TUBGCP5: variants seen among roughly 807,000 people sequenced by gnomAD.
The protein encoded by TUBGCP5 is tubulin gamma complex component 5, also known as gamma-tubulin complex component 5.
A neutral mutation model predicts 134.7 loss-of-function variants in TUBGCP5; 98 were observed. The observed-to-expected ratio is 0.73, with a 90% CI of 0.62 to 0.86. The LOEUF (loss-of-function observed/expected upper bound fraction) is 0.86, where lower values mean the gene tolerates loss of function less well. Ranked by LOEUF, TUBGCP5 falls within the 40% of genes least tolerant of loss-of-function variation. TUBGCP5 has a pLI of 0.00. For synonymous variants in TUBGCP5, 456 were observed against 431.4 expected (o/e 1.06, Z -0.71); for missense variants, 1,150 against 1,244.8 (o/e 0.92, Z 1.15).
chr15:23,003,270 CTGTG>C, intron 20 of TUBGCP5, 117 bp from the exon 21 acceptor site: 5 of 913,258 alleles, frequency 5.5e-6, no homozygotes, highest in Non-Finnish European at 6.9e-6. Flanking sequence ...TGACTGCCTT[CTGTG>C]TATATGGAAG....
intron 8 of TUBGCP5, among the ~76,000 whole-genome samples, chr15:23,025,537 AG>A (rs1311468206): frequency 6.6e-6 from 1 of 152,152 alleles, no homozygotes; most frequent in Non-Finnish European, 1.5e-5. Context: ...CCACCTATTA[AG>A]AATAGTCAGT....
At chr15:23,023,633 G>GT (rs2065832651) in intron 10 of TUBGCP5, 1 of 280,312 alleles carries the variant, frequency 3.6e-6, no homozygotes, top group African/African-American at 2.2e-5. Flanking sequence ...CACTGCTCAT[G>GT]TATGTTGAAA....
At chr15:22,992,387 C>T (rs773523211) in intron 23 of TUBGCP5, among the ~76,000 whole-genome samples, 8 of 152,060 alleles carry the variant, frequency 5.3e-5, no homozygotes, top group African/African-American at 9.7e-5. Flanking sequence ...TGGAAACTGA[C>T]GAATCAGTTT....
intron 19 of TUBGCP5, among the ~76,000 whole-genome samples, chr15:23,004,824 C>T (rs928947321): frequency 6.6e-6 from 1 of 152,168 alleles, no homozygotes; most frequent in Non-Finnish European, 1.5e-5. Flanking sequence ...TGGCTCACTT[C>T]ACCCAAGCAA....
In TUBGCP5 at chr15:23,024,811, T is replaced by C; in HGVS notation, c.847A>G (p.Lys283Glu). ...TCTATCAACTGAAATATAAAGAGCTTTTTCACTCCTGAAAGTAACCTGAAA... is the reference window on the plus strand; with the variant it reads ...TCTATCAACTGAAATATAAAGAGCTCTTTCACTCCTGAAAGTAACCTGAAA... ...ETLWLLSGVK[K>E]LFIFQLIDGK... Residue 283 changes from lysine (K) to glutamate (E), a missense_variant, in exon 9 of 23, where the codon AAG becomes GAG. Transcript: ENST00000615383. The C allele has an allele frequency of 6.3e-7, 1 of 1,593,386 alleles. No individual in the cohort carries two copies.
At chr15:22,998,797 A>G (rs1057464371), downstream of TUBGCP5, among the ~76,000 whole-genome samples, 2 of 152,010 alleles carry the variant, frequency 1.3e-5, no homozygotes, top group African/African-American at 2.4e-5. Context: ...TTGTATTTTT[A>G]GTAGAGACGG....
intron 6 of TUBGCP5, among the ~76,000 whole-genome samples, chr15:23,029,324 C>T (rs992221845): frequency 6.6e-6 from 1 of 152,132 alleles, no homozygotes; most frequent in Non-Finnish European, 1.5e-5. Flanking sequence ...TGGGTTCAAG[C>T]GATTCTTCTG....
At chr15:23,024,671 C>A in intron 9 of TUBGCP5, 66 bp downstream of exon 9, 1 of 877,674 alleles carries the variant, frequency 1.1e-6, no homozygotes, top group South Asian at 1.8e-5. Context: ...GTAAAATGTT[C>A]TAAAATTATA....
At chr15:23,004,692 T>G (rs2064601671) in intron 19 of TUBGCP5, 1 of 153,768 alleles carries the variant, frequency 6.5e-6, no homozygotes, top group Admixed American at 6.5e-5. Context: ...ACTTAAACTC[T>G]TATCATTTAC....
Position 23,017,781 on chromosome 15 carries a change from C to T in TUBGCP5, c.1748G>A (p.Gly583Glu), listed in dbSNP as rs771616499. 1 of 1,613,266 alleles carries T rather than the reference C, an allele frequency of 6.2e-7. No individual in the cohort carries two copies. Among genetic ancestry groups the T allele is most frequent in the Non-Finnish European group, 8.5e-7 (1 of 1,179,440 alleles). ...GAAGACGGAACAAGTACCTCTGGCT[C>T]CTGCCTGGCAGGTGGTGCTCTCCGC... ...QCAESTTCQA[G>E]ARDAERKSLY... is the part of the protein sequence containing the mutation. The change falls in exon 13 of 23, where the codon GGA (glycine) becomes GAA (glutamate). Residue 583 changes from glycine (G) to glutamate (E), a missense_variant. Around this residue, in one of 2 missense-constraint regions of TUBGCP5, gnomAD observed 697 missense variants for 850.1 expected, o/e 0.82. Coordinates refer to ENST00000615383, the MANE Select transcript of TUBGCP5 (RefSeq NM_052903.6).
chr15:23,011,404 TATTAAC>T (rs1164779675), intron 13 of TUBGCP5, 73 bp from the exon 14 acceptor site: 3 of 842,820 alleles, frequency 3.6e-6, no homozygotes, highest in African/African-American at 3.5e-5. Context: ...TGTTTAATCA[TATTAAC>T]ATTAACAATA....
intron 14 of TUBGCP5, 98 bp downstream of exon 14, chr15:23,011,035 T>A: frequency 1.7e-6 from 2 of 1,196,010 alleles, no homozygotes; most frequent in Non-Finnish European, 2.4e-6. Context: ...CCTACAAGAG[T>A]TTTTGTTTTT....
chr15:23,016,997 T>TATATATATATATATGTA (rs1254127035), intron 13 of TUBGCP5, among the ~76,000 whole-genome samples: 1 of 145,852 alleles, frequency 6.9e-6, no homozygotes, highest in Admixed American at 6.7e-5. Flanking sequence ...TGTATATATC[T>TATATATATATATATGTA]TGAAGATAAA....
chr15:22,989,139 A>G (rs2063773900), intron 23 of TUBGCP5, among the ~76,000 whole-genome samples: 1 of 152,138 alleles, frequency 6.6e-6, no homozygotes, highest in African/African-American at 2.4e-5. Context: ...ATCTCAAGTC[A>G]GTGGACTAGC....
chr15:23,010,365 A>C (rs112653054), intron 14 of TUBGCP5, among the ~76,000 whole-genome samples: 2 of 152,330 alleles, frequency 1.3e-5, no homozygotes, highest in African/African-American at 4.8e-5. Flanking sequence ...GGCTGGACAC[A>C]GCAAATGCTG....
chr15:23,008,461 G>A, intron 16 of TUBGCP5: 1 of 505,472 alleles, frequency 2.0e-6, no homozygotes, highest in Non-Finnish European at 3.5e-6. Flanking sequence ...GTTTCACCAT[G>A]TTGGCCAGGC....
chr15:23,036,949 C>G lies in TUBGCP5; in HGVS notation c.257G>C (p.Arg86Thr). The G allele has an allele frequency of 3.1e-6, 5 of 1,612,774 alleles. No homozygotes were observed. Among genetic ancestry groups the G allele is most frequent in the Non-Finnish European group, 4.2e-6 (5 of 1,179,476 alleles). Residue 86 changes from arginine (R) to threonine (T), a missense_variant, in exon 3 of 23, where the codon AGA (arginine) becomes ACA (threonine). Transcript: ENST00000615383. Reference protein sequence around the residue: ...SDLSKAASWKRLTEEFLNAPL... With the variant: ...SDLSKAASWKTLTEEFLNAPL... Reference sequence around the variant, plus strand: ...TGCATTTAGAAATTCCTCCGTTAATCTCTTCCAACTAGCAGCTTTGCTTAG... The same window carrying G: ...TGCATTTAGAAATTCCTCCGTTAATGTCTTCCAACTAGCAGCTTTGCTTAG...
At chr15:22,985,479 A>C (rs2063651255) in intron 23 of TUBGCP5, among the ~76,000 whole-genome samples, 1 of 152,080 alleles carries the variant, frequency 6.6e-6, no homozygotes, top group Non-Finnish European at 1.5e-5. Flanking sequence ...CGGCCTCCCA[A>C]AGTGCTAGGA....
chr15:23,025,700 G>A (rs1245660291), intron 8 of TUBGCP5, among the ~76,000 whole-genome samples: 1 of 152,028 alleles, frequency 6.6e-6, no homozygotes, highest in Non-Finnish European at 1.5e-5. Flanking sequence ...GCTTGGTGGT[G>A]GGTTCCTGTA....
Sources: allele counts gnomAD v4.1 joint callset (sites outside exome capture counted in the v4.1 genomes callset), GRCh38; gene constraint gnomAD v4.1.1; regional missense constraint gnomAD v4.1.1; transcripts MANE v1.5; gene names NCBI Gene and HGNC (gene_info 2026-07-23, HGNC 2026-07-21).